The following DLG2 variants were observed in gnomAD, a reference collection of about 807,000 sequenced individuals.
DLG2 encodes discs large MAGUK scaffold protein 2, also known as disks large homolog 2.
In DLG2, 45 loss-of-function variants were observed where a neutral mutation model predicts 132.5. That is an observed-to-expected ratio of 0.34 (90% CI 0.27 to 0.44). The LOEUF (loss-of-function observed/expected upper bound fraction) is 0.44. Among genes scored for constraint, DLG2 ranks in the 20% least tolerant of loss-of-function variants. The pLI is 1.00. For synonymous variants in DLG2, 424 were observed against 419.6 expected, an observed-to-expected ratio of 1.01 and a Z score of -0.13; for missense variants, 1,045 against 1,196.9, an observed-to-expected ratio of 0.87 and a Z score of 1.87.
At chr11:85,613,814 G>A (rs1026345411) in intron 2 of DLG2, among the ~76,000 whole-genome samples, 6 of 152,188 alleles carry the variant, frequency 3.9e-5, no homozygotes, top group Non-Finnish European at 7.3e-5. Flanking sequence ...TTGTTCTTTC[G>A]CTCTTTGCAA....
At chr11:85,020,165 T>C (rs937141843) in intron 6 of DLG2, among the ~76,000 whole-genome samples, 5 of 152,200 alleles carry the variant, frequency 3.3e-5, no homozygotes, top group Admixed American at 6.5e-5. Flanking sequence ...CCATTCTAAC[T>C]GGTGTGAGAT....
At chr11:85,583,789 C>T (rs545485222) in intron 3 of DLG2, among the ~76,000 whole-genome samples, 7 of 152,214 alleles carry the variant, frequency 4.6e-5, no homozygotes, top group South Asian at 2.1e-4. Flanking sequence ...ATACCCAATA[C>T]CAAATTGGAA....
In DLG2 at chr11:85,603,023, T is replaced by C. The variant is rs190976749; in HGVS notation, c.-92-4235A>G. On this transcript the variant is annotated intron_variant, in intron 2 of 27. Coordinates refer to ENST00000376104, the MANE Select transcript of DLG2 (RefSeq NM_001142699.3). ...GGGCAATAAGAGATGGAGGAGGACA[T>C]TGCGTAACTACTCCTCTTCTATCTA... Among the ~76,000 whole-genome samples the C allele has an allele frequency of 5.3e-5, 8 of 152,264 alleles. No individual in the cohort carries two copies. In the East Asian group the frequency reaches 1.3e-3, roughly 26 times the overall value.
chr11:84,648,407 A>G (rs1396194211), intron 6 of DLG2, among the ~76,000 whole-genome samples: 1 of 152,214 alleles, frequency 6.6e-6, no homozygotes, highest in Non-Finnish European at 1.5e-5. Flanking sequence ...CAGAGATGCA[A>G]GTAGATAAAA....
At chr11:83,641,571 C>G (rs1208325634) in intron 18 of DLG2, among the ~76,000 whole-genome samples, 1 of 152,124 alleles carries the variant, frequency 6.6e-6, no homozygotes, top group African/African-American at 2.4e-5. Context: ...GGCTGCTTTT[C>G]AAGTCATCCT....
At chr11:84,410,571 AAACTT>A (rs1288762176) in intron 7 of DLG2, among the ~76,000 whole-genome samples, 247 of 149,376 alleles carry the variant, frequency 1.7e-3, no homozygotes, top group African/African-American at 6.0e-3. Context: ...AAAACCACAT[AAACTT>A]TTTTTTTTTT....
At chr11:83,528,015 G>A (rs2095650396) in intron 21 of DLG2, among the ~76,000 whole-genome samples, 1 of 152,152 alleles carries the variant, frequency 6.6e-6, no homozygotes, top group Non-Finnish European at 1.5e-5. Context: ...AGGCTGGTTT[G>A]ACTAGAGACT....
intron 3 of DLG2, among the ~76,000 whole-genome samples, chr11:85,317,383 C>T (rs2080757901): frequency 6.6e-6 from 1 of 151,752 alleles, no homozygotes; most frequent in Non-Finnish European, 1.5e-5. Flanking sequence ...ACTCTGAAGG[C>T]AGCCTCATGA....
intron 6 of DLG2, among the ~76,000 whole-genome samples, chr11:85,107,998 A>C (rs532083965): frequency 4.2e-5 from 3 of 71,750 alleles, no homozygotes; most frequent in African/African-American, 3.0e-4. Context: ...GCCAAAAAAC[A>C]AACAAATAAA....
rs150448167 is a variant in DLG2 at position 84,474,838 on chromosome 11, A to T, written c.519+59732T>A. On this transcript the variant is annotated intron_variant, in intron 7 of 27. Coordinates refer to ENST00000376104, the MANE Select transcript of DLG2 (RefSeq NM_001142699.3). ...TTTTTATATTTGTCAAATTCAAGTG[A>T]ATATAATAGAATCAAAGGGAGGTCA... Among the ~76,000 whole-genome samples, 1,445 of 152,148 alleles carry T rather than the reference A, an allele frequency of 9.5e-3. 11 individuals are homozygous for T. Among genetic ancestry groups the T allele is most frequent in the Middle Eastern group, 0.027 (8 of 294 alleles).
chr11:84,286,418 T>C (rs937538807), intron 7 of DLG2, among the ~76,000 whole-genome samples: 4 of 152,200 alleles, frequency 2.6e-5, no homozygotes, highest in African/African-American at 9.7e-5. Context: ...GCTAGTCTTG[T>C]GGTCTACTCT....
At chr11:84,686,508 T>G (rs1228565021) in intron 6 of DLG2, among the ~76,000 whole-genome samples, 1 of 152,052 alleles carries the variant, frequency 6.6e-6, no homozygotes, top group Non-Finnish European at 1.5e-5. Context: ...CTCAATGACA[T>G]CTCATGGTTC....
intron 15 of DLG2, among the ~76,000 whole-genome samples, chr11:83,909,168 T>C (rs1273845328): frequency 6.6e-6 from 1 of 152,160 alleles, no homozygotes; most frequent in African/African-American, 2.4e-5. Context: ...GGAATGACAA[T>C]TGGCGTGAAA....
chr11:84,367,673 G>A (rs1015335761), intron 7 of DLG2, among the ~76,000 whole-genome samples: 5 of 152,056 alleles, frequency 3.3e-5, no homozygotes, highest in African/African-American at 9.7e-5. Context: ...TTAAAAAAGT[G>A]AGTTTGGCTC....
intron 6 of DLG2, among the ~76,000 whole-genome samples, chr11:84,736,523 G>T (rs2063852655): frequency 6.6e-6 from 1 of 151,836 alleles, no homozygotes; most frequent in African/African-American, 2.4e-5. Flanking sequence ...TATTAGCAAA[G>T]TATCTGTCTA....
At chr11:84,725,250 T>A (rs983605792) in intron 6 of DLG2, among the ~76,000 whole-genome samples, 1 of 152,198 alleles carries the variant, frequency 6.6e-6, no homozygotes, top group African/African-American at 2.4e-5. Flanking sequence ...TAATAGTGTT[T>A]GTTATTTAGT....
chr11:84,649,720 C>A (rs1300753878), intron 6 of DLG2, among the ~76,000 whole-genome samples: 1 of 152,172 alleles, frequency 6.6e-6, no homozygotes, highest in East Asian at 1.9e-4. Flanking sequence ...GTGGTCAGAT[C>A]TTGTCTTTGG....
Position 83,657,743 on chromosome 11 carries a change from C to T in DLG2, c.1826-24418G>A, listed in dbSNP as rs529697965. ...TTTTAGTAGAGACGGGGTTTCACCG[C>T]ATTAGCCAGGATGGTCTCAATCTCC... is the stretch of plus-strand genomic sequence containing the variant. On this transcript the variant is annotated intron_variant, in intron 18 of 27. Coordinates refer to ENST00000376104, the MANE Select transcript of DLG2 (RefSeq NM_001142699.3). Among the ~76,000 whole-genome samples, 1,000 of 151,940 alleles carry T rather than the reference C, an allele frequency of 6.6e-3. 9 individuals carry two copies. The highest frequency in any genetic ancestry group is 0.022 in the African/African-American group (930 of 41,456).
chr11:85,515,814 C>G (rs906277969), intron 3 of DLG2, among the ~76,000 whole-genome samples: 2 of 151,920 alleles, frequency 1.3e-5, no homozygotes, highest in Non-Finnish European at 2.9e-5. Context: ...TATGAGAATA[C>G]AGGATTTGAA....
Sources: gnomAD v4.1 joint callset for allele counts (sites outside exome capture counted in the v4.1 genomes callset) on GRCh38, gnomAD v4.1.1 for gene constraint, MANE v1.5 for transcripts, NCBI Gene and HGNC (gene_info 2026-07-23, HGNC 2026-07-21) for gene names.